Variants in DMXL2 observed in about 807,000 individuals in gnomAD.
The protein encoded by DMXL2 is dmX-like protein 2.
DMXL2 carries 103 observed loss-of-function variants against 331.1 expected under a neutral mutation model. The ratio of observed to expected loss-of-function variants is 0.31; its 90% CI spans 0.27 to 0.37. The LOEUF (loss-of-function observed/expected upper bound fraction) is 0.37, where lower values mean the gene tolerates loss of function less well. Among genes scored for constraint, DMXL2 ranks in the 10% least tolerant of loss-of-function variants. DMXL2 has a pLI of 1.00. For synonymous variants in DMXL2, 1,281 were observed against 1,252.1 expected (o/e 1.02, Z -0.49); for missense variants, 3,171 against 3,642.9 (o/e 0.87, Z 3.33).
At chr15:51,456,449 C>T in intron 37 of DMXL2, 80 bp from the exon 38 acceptor site, 1 of 869,784 alleles carries the variant, frequency 1.1e-6, no homozygotes, top group Non-Finnish European at 1.8e-6. Context: ...TAAATTCTGA[C>T]ATTTATTCTC....
intron 15 of DMXL2, among the ~76,000 whole-genome samples, chr15:51,509,591 G>A (rs2046628236): frequency 6.6e-6 from 1 of 152,086 alleles, no homozygotes. Flanking sequence ...AAAAGCCCAG[G>A]ACCAGACAGA....
At chr15:51,507,715 G>A (rs1321266493) in intron 15 of DMXL2, among the ~76,000 whole-genome samples, 1 of 151,888 alleles carries the variant, frequency 6.6e-6, no homozygotes, top group Non-Finnish European at 1.5e-5. Flanking sequence ...TGCCCCTGGA[G>A]TAACTGGGGC....
At position 51,498,611 on chromosome 15, in the gene DMXL2, G is replaced by A. The variant is rs199817669; in HGVS notation, c.4613C>T (p.Ala1538Val). The change falls in exon 18 of 44, where the codon GCT becomes GTT. Residue 1538 changes from alanine (A) to valine (V), a missense_variant. Around this residue, in one of 7 missense-constraint regions of DMXL2, gnomAD observed 252 missense variants for 387.4 expected, o/e 0.65. Coordinates refer to ENST00000560891, the MANE Select transcript of DMXL2 (RefSeq NM_001378457.1). ...RLEQMFLVAL[A>V]DTVATTSTEL... ...AGTACTAGTAGTAGCCACTGTATCA[G>A]CCAAAGCTACAAGGAACATCTGCTC... The A allele has an allele frequency of 1.9e-6, 3 of 1,614,060 alleles. No homozygotes were observed. Among genetic ancestry groups the A allele is most frequent in the Non-Finnish European group, 2.5e-6 (3 of 1,179,954 alleles).
At chr15:51,554,426 A>C (rs60854731) in intron 6 of DMXL2, among the ~76,000 whole-genome samples, 64 of 152,330 alleles carry the variant, frequency 4.2e-4, no homozygotes, top group African/African-American at 1.5e-3. Context: ...TCAAGACATG[A>C]ATTACGTAAA....
At chr15:51,520,871 A>AATAAATAC (rs903417077) in intron 13 of DMXL2, among the ~76,000 whole-genome samples, 1 of 152,110 alleles carries the variant, frequency 6.6e-6, no homozygotes, top group Admixed American at 6.6e-5. Flanking sequence ...TAAATAAATA[A>AATAAATAC]ATAAATACAT....
chr15:51,533,119 A>C (rs184767882), intron 13 of DMXL2, among the ~76,000 whole-genome samples: 2 of 152,356 alleles, frequency 1.3e-5, no homozygotes, highest in African/African-American at 4.8e-5. Flanking sequence ...TAAACCTAAC[A>C]AAACATTCAT....
chr15:51,563,481 T>TA, intron 5 of DMXL2, 34 bp from the exon 6 acceptor site: 1 of 1,485,876 alleles, frequency 6.7e-7, no homozygotes, highest in Non-Finnish European at 9.3e-7. Context: ...TTAGCCCTTT[T>TA]AAAATCTGGT....
chr15:51,457,580 G>A (rs748936519), intron 36 of DMXL2, 114 bp from the exon 37 acceptor site: 12 of 1,285,488 alleles, frequency 9.3e-6, no homozygotes, highest in Admixed American at 2.3e-5. Flanking sequence ...AAACTAAGTA[G>A]CCATGAGAAA....
chr15:51,450,664 G>T, intron 42 of DMXL2: 1 of 351,104 alleles, frequency 2.8e-6, no homozygotes, highest in South Asian at 2.5e-5. Flanking sequence ...CTCAAAGTTG[G>T]TGAGTATTAA....
chr15:51,557,126 T>C (rs1272665691), intron 6 of DMXL2, among the ~76,000 whole-genome samples: 1 of 152,212 alleles, frequency 6.6e-6, no homozygotes, highest in African/African-American at 2.4e-5. Context: ...ATAGATTATA[T>C]AATTGTGTAC....
At chr15:51,533,930 A>C (rs968914268) in intron 13 of DMXL2, among the ~76,000 whole-genome samples, 3 of 152,212 alleles carry the variant, frequency 2.0e-5, no homozygotes, top group Non-Finnish European at 2.9e-5. Context: ...CAAATACATT[A>C]AATAACATAA....
chr15:51,521,413 G>T (rs2047355619), intron 13 of DMXL2, among the ~76,000 whole-genome samples: 2 of 124,440 alleles, frequency 1.6e-5, no homozygotes, highest in South Asian at 5.2e-4. Flanking sequence ...ATAAAAGTTT[G>T]CTAGTAGTAG....
intron 16 of DMXL2, among the ~76,000 whole-genome samples, chr15:51,504,401 A>G (rs1332948409): frequency 6.6e-6 from 1 of 152,246 alleles, no homozygotes; most frequent in African/African-American, 2.4e-5. Context: ...GTATTAGTTG[A>G]CAGCCTTTGT....
At chr15:51,551,779 A>G (rs1331738457) in intron 6 of DMXL2, among the ~76,000 whole-genome samples, 4 of 152,256 alleles carry the variant, frequency 2.6e-5, no homozygotes, top group African/African-American at 7.2e-5. Flanking sequence ...GACAGAAATA[A>G]TAAAATACAT....
At chr15:51,601,795 T>C (rs1407367850) in intron 1 of DMXL2, among the ~76,000 whole-genome samples, 1 of 152,212 alleles carries the variant, frequency 6.6e-6, no homozygotes, top group Non-Finnish European at 1.5e-5. Context: ...AAAATTTTGA[T>C]TGGGAATGCA....
chr15:51,501,585 T>C (rs534097137), intron 17 of DMXL2, among the ~76,000 whole-genome samples: 27 of 152,324 alleles, frequency 1.8e-4, no homozygotes, highest in African/African-American at 6.5e-4. Flanking sequence ...AATTTTACTA[T>C]CATTATATTC....
At chr15:51,579,880 T>C (rs2051290692) in intron 1 of DMXL2, among the ~76,000 whole-genome samples, 2 of 152,190 alleles carry the variant, frequency 1.3e-5, no homozygotes. Context: ...CTAGGGTCTT[T>C]ACAAAAATTA....
chr15:51,593,151 T>C (rs2141255252), intron 1 of DMXL2, among the ~76,000 whole-genome samples: 1 of 152,330 alleles, frequency 6.6e-6, no homozygotes, highest in South Asian at 2.1e-4. Flanking sequence ...CCCATCAGTG[T>C]GCTGTATTCA....
intron 6 of DMXL2, among the ~76,000 whole-genome samples, chr15:51,559,675 C>CG (rs2049828387): frequency 6.6e-6 from 1 of 152,004 alleles, no homozygotes; most frequent in Non-Finnish European, 1.5e-5. Context: ...GAGCTATGAT[C>CG]GGCCGATGTA....
Sources: gnomAD v4.1 joint callset for allele counts (sites outside exome capture counted in the v4.1 genomes callset) on GRCh38, gnomAD v4.1.1 for gene constraint, gnomAD v4.1.1 regional missense constraint, MANE v1.5 for transcripts, NCBI Gene and HGNC (gene_info 2026-07-23, HGNC 2026-07-21) for gene names.